SEZ6: variants seen among roughly 807,000 people sequenced by gnomAD.
The protein encoded by SEZ6 is seizure related 6 homolog, also known as seizure protein 6 homolog.
A neutral mutation model predicts 101.0 loss-of-function variants in SEZ6; 53 were observed. That is an observed-to-expected ratio of 0.52 (90% CI 0.42 to 0.66). The LOEUF (loss-of-function observed/expected upper bound fraction) is 0.66, where lower values mean the gene tolerates loss of function less well. SEZ6 is among the 30% of genes least tolerant of loss of function. The pLI is 0.00. For synonymous variants in SEZ6, 488 were observed against 512.2 expected (o/e 0.95, Z 0.64); for missense variants, 1,102 against 1,289.4 (o/e 0.85, Z 2.23).
At chr17:29,002,884 A>G (rs1166398857) in intron 1 of SEZ6, among the ~76,000 whole-genome samples, 1 of 152,034 alleles carries the variant, frequency 6.6e-6, no homozygotes, top group Non-Finnish European at 1.5e-5. Flanking sequence ...TCTCCTCCAG[A>G]CCTTCCCTTC....
At chr17:28,976,245 A>G (rs1411065389) in intron 3 of SEZ6, among the ~76,000 whole-genome samples, 2 of 152,232 alleles carry the variant, frequency 1.3e-5, no homozygotes, top group Admixed American at 1.3e-4. Flanking sequence ...GGTCCAAGCC[A>G]TGGAGAATAG....
chr17:28,964,196 G>A (rs1347124815), intron 4 of SEZ6, 49 bp from the exon 5 acceptor site: 7 of 1,501,214 alleles, frequency 4.7e-6, no homozygotes, highest in East Asian at 2.5e-5. Context: ...GGGTGGGGGC[G>A]GGAGCTGGGC....
rs1181129784 is a variant in SEZ6, at chr17:28,981,753, G to A, written c.342C>T (p.Asp114=). The part of the protein sequence containing the change: ...PSPLPRLANQ[D]SRPVFTSPTP... ...TGGGGCTGGTAAAGACAGGGCGGCTGTCCTGGTTGGCCAGGCGGGGAAGGG... is the reference window on the plus strand; with the variant it reads ...TGGGGCTGGTAAAGACAGGGCGGCTATCCTGGTTGGCCAGGCGGGGAAGGG... The change falls in exon 2 of 17, where the codon GAC becomes GAT. Residue 114 remains aspartate (D), a synonymous_variant. Transcript: ENST00000317338. The A allele has an allele frequency of 1.2e-6, 2 of 1,611,082 alleles. No individual in the cohort carries two copies. Among genetic ancestry groups the A allele is most frequent in the Non-Finnish European group, 8.5e-7 (1 of 1,177,688 alleles).
chr17:28,983,705 C>G (rs774314735), intron 1 of SEZ6, among the ~76,000 whole-genome samples: 1 of 151,980 alleles, frequency 6.6e-6, no homozygotes, highest in Non-Finnish European at 1.5e-5. Flanking sequence ...CTCTGAGAAG[C>G]CTGGGAGGAT....
chr17:28,999,492 A>C (rs1319673088), intron 1 of SEZ6, among the ~76,000 whole-genome samples: 3 of 151,518 alleles, frequency 2.0e-5, no homozygotes, highest in Non-Finnish European at 4.4e-5. Context: ...GGAGACCCGG[A>C]TTGTTGTTGG....
Position 28,959,841 on chromosome 17 carries a change from C to T in SEZ6, c.1628G>A (p.Ser543Asn). Residue 543 changes from serine (S) to asparagine (N), a missense_variant, in exon 8 of 17, where the codon AGC becomes AAC. Coordinates refer to ENST00000317338, the MANE Select transcript of SEZ6 (RefSeq NM_178860.5). The surrounding 1 kb of genome is among the most constrained non-coding windows in gnomAD (Gnocchi z 4.4). ...YEPFVKYGNFSSSTPTYPVGT... is the reference protein window; with the variant it reads ...YEPFVKYGNFNSSTPTYPVGT... Reference sequence around the variant, plus strand: ...CACAGGGTAGGTGGGTGTGCTGCTGCTGAAGTTACCGTATTTGACAAAGGG... The same window carrying T: ...CACAGGGTAGGTGGGTGTGCTGCTGTTGAAGTTACCGTATTTGACAAAGGG... 1 of 1,613,660 alleles carries T rather than the reference C, an allele frequency of 6.2e-7. No homozygotes were observed.
chr17:28,976,923 G>T (rs773638155), intron 3 of SEZ6, among the ~76,000 whole-genome samples: 3 of 152,168 alleles, frequency 2.0e-5, no homozygotes, highest in Non-Finnish European at 4.4e-5. Context: ...CCCGTCCTGT[G>T]CTTCCCATCC....
intron 2 of SEZ6, among the ~76,000 whole-genome samples, chr17:28,981,020 C>T (rs951010877): frequency 2.0e-5 from 3 of 152,126 alleles, no homozygotes; most frequent in South Asian, 2.1e-4. Flanking sequence ...CTCAGCCTCC[C>T]GAGTAGCTGG....
intron 1 of SEZ6, among the ~76,000 whole-genome samples, chr17:28,998,766 A>C (rs200959990): frequency 6.6e-6 from 1 of 152,150 alleles, no homozygotes; most frequent in Non-Finnish European, 1.5e-5. Context: ...GGCACCCATC[A>C]TGGATTGGCC....
At position 28,956,167 on chromosome 17, in the gene SEZ6, C is replaced by T. The variant is rs370146375; in HGVS notation, c.2944G>A (p.Glu982Lys). 1.8e-5 allele frequency: 29 copies of T among 1,589,678 alleles called. No homozygotes were observed. The highest frequency in any genetic ancestry group is 1.3e-4 in the African/African-American group (9 of 67,626). Residue 982 changes from glutamate (E) to lysine (K), a missense_variant, in exon 16 of 17, where the codon GAG becomes AAG. By Grantham distance (56) the Glu-to-Lys change is moderately conservative (BLOSUM62 1). This residue lies in a region of SEZ6 where 140 missense variants were observed against 135.7 expected (regional missense o/e 1.03). Transcript: ENST00000317338. Reference protein sequence around the residue: ...IESAFDNPTYETGSLSFAGDE... With the variant: ...IESAFDNPTYKTGSLSFAGDE... ...CTGGCATGGTTACTTACTCCAGTCT[C>T]GTAAGTTGGATTGTCAAACGCTGAC...
chr17:28,994,864 C>G (rs976923436), intron 1 of SEZ6, among the ~76,000 whole-genome samples: 2 of 151,772 alleles, frequency 1.3e-5, no homozygotes, highest in African/African-American at 4.8e-5. Context: ...GCTCTGTTGA[C>G]TTGCCACTTT....
intron 1 of SEZ6, among the ~76,000 whole-genome samples, chr17:29,004,059 A>G (rs991298479): frequency 6.6e-6 from 1 of 152,098 alleles, no homozygotes; most frequent in Non-Finnish European, 1.5e-5. Context: ...CTGAGGCTGC[A>G]CCCACACACT....
intron 5 of SEZ6, among the ~76,000 whole-genome samples, chr17:28,961,339 A>G (rs1451849377): frequency 6.6e-6 from 1 of 152,092 alleles, no homozygotes; most frequent in Non-Finnish European, 1.5e-5. Context: ...TAAAGCCCTT[A>G]CTGTGGGCTT....
intron 1 of SEZ6, among the ~76,000 whole-genome samples, chr17:28,999,792 C>G (rs902395181): frequency 1.3e-5 from 2 of 152,236 alleles, no homozygotes; most frequent in South Asian, 4.1e-4. Flanking sequence ...ATTCACAAAG[C>G]CCTCAAAGGA....
Position 29,000,979 on chromosome 17 carries a change from T to C in SEZ6, c.55+4836A>G, listed in dbSNP as rs533694625. On this transcript the variant is annotated intron_variant, in intron 1 of 16. Coordinates refer to ENST00000317338, the MANE Select transcript of SEZ6 (RefSeq NM_178860.5). ...AGCAGTGGTGGCACTAAGGGGTGAC[T>C]GGGGAGAGGCTTTAGCCCATTCAGA... Among the ~76,000 whole-genome samples, 5 of 152,292 alleles carry C rather than the reference T, an allele frequency of 3.3e-5. No homozygotes were observed. The East Asian group carries it at 9.7e-4, about 29-fold the overall frequency.
chr17:28,960,392 T>C, intron 7 of SEZ6, 113 bp downstream of exon 7: 1 of 1,401,276 alleles, frequency 7.1e-7, no homozygotes, highest in Non-Finnish European at 9.7e-7. Context: ...AGGGGCTGAC[T>C]TGGAAGGAGT....
intron 1 of SEZ6, among the ~76,000 whole-genome samples, chr17:28,989,817 C>T (rs2152691253): frequency 6.6e-6 from 1 of 152,258 alleles, no homozygotes; most frequent in Admixed American, 6.5e-5. Flanking sequence ...CCTGTAATCC[C>T]AGCACTTTGA....
chr17:28,999,292 T>G (rs2041583504), intron 1 of SEZ6, among the ~76,000 whole-genome samples: 1 of 152,152 alleles, frequency 6.6e-6, no homozygotes, highest in South Asian at 2.1e-4. Flanking sequence ...ACACAGGGCA[T>G]GCTCAGGGTC....
chr17:28,960,913 G>A lies in SEZ6; in HGVS notation c.1301C>T (p.Pro434Leu), dbSNP rs1277609512. Residue 434 changes from proline (P) to leucine (L), a missense_variant, in exon 6 of 17, where the codon CCG becomes CTG. This residue lies in a region of SEZ6 where 556 missense variants were observed against 735.1 expected (regional missense o/e 0.76). Transcript: ENST00000317338. ...GGTGAGGTTGTTGCTGTAGTTGCCC[G>A]GGAAGCCTGGAGAGACGATGCGGCC... is the stretch of plus-strand genomic sequence containing the variant. ...TTGRIVSPGF[P>L]GNYSNNLTCH... The A allele has an allele frequency of 6.2e-6, 10 of 1,613,916 alleles. No homozygotes were observed. Among genetic ancestry groups the A allele is most frequent in the East Asian group, 4.5e-5 (2 of 44,888 alleles).
Sources: gnomAD v4.1 joint callset for allele counts (sites outside exome capture counted in the v4.1 genomes callset) on GRCh38, gnomAD v4.1.1 for gene constraint, gnomAD v4.1.1 regional missense constraint, Gnocchi (gnomAD v3.1) non-coding constraint, MANE v1.5 for transcripts, NCBI Gene and HGNC (gene_info 2026-07-23, HGNC 2026-07-21) for gene names.